The following ANKRD28 variants were observed in gnomAD, a reference collection of about 807,000 sequenced individuals.
The protein encoded by ANKRD28 is ankyrin repeat domain 28, also known as serine/threonine-protein phosphatase 6 regulatory ankyrin repeat subunit A.
A neutral mutation model predicts 126.5 loss-of-function variants in ANKRD28; 44 were observed. The ratio of observed to expected loss-of-function variants is 0.35; its 90% confidence interval spans 0.27 to 0.45. The LOEUF (loss-of-function observed/expected upper bound fraction) is 0.45. ANKRD28 is among the 20% of genes least tolerant of loss of function. The probability of loss-of-function intolerance (pLI) is 1.00; values close to 1 mark genes in which losing one functional copy is unlikely to be tolerated. For synonymous variants in ANKRD28, 442 were observed against 468.5 expected (o/e 0.94, Z 0.73); for missense variants, 1,110 against 1,316.6 (o/e 0.84, Z 2.43).
chr3:15,676,901 G>A (rs2066994710), intron 26 of ANKRD28, 73 bp downstream of exon 26: 1 of 1,295,418 alleles, frequency 7.7e-7, no homozygotes, highest in Non-Finnish European at 1.1e-6. Flanking sequence ...ATAGTCACAT[G>A]TTTAAAAAAA....
chr3:15,718,568 C>G (rs2073341085), intron 8 of ANKRD28, among the ~76,000 whole-genome samples: 1 of 151,944 alleles, frequency 6.6e-6, no homozygotes, highest in Admixed American at 6.6e-5. Context: ...TAAGTAGACA[C>G]TAACAGAATC....
At chr3:15,714,544 A>AAG in intron 9 of ANKRD28, 34 bp downstream of exon 9, 1 of 1,496,708 alleles carries the variant, frequency 6.7e-7, no homozygotes, top group Middle Eastern at 1.8e-4. Flanking sequence ...AAAAAAAAAA[A>AAG]AAACCCCAAA....
intron 2 of ANKRD28, among the ~76,000 whole-genome samples, chr3:15,777,356 C>T (rs1209088953): frequency 2.0e-5 from 3 of 151,978 alleles, no homozygotes; most frequent in Admixed American, 1.3e-4. Context: ...CATGCCCCCT[C>T]CCCAAAGCAT....
At chr3:15,747,273 G>C (rs1354762832) in intron 4 of ANKRD28, among the ~76,000 whole-genome samples, 2 of 151,224 alleles carry the variant, frequency 1.3e-5, no homozygotes, top group Non-Finnish European at 2.9e-5. Flanking sequence ...CCAGTTCTGT[G>C]AGGTATGGCC....
At chr3:15,841,179 T>C (rs973138291) in intron 1 of ANKRD28, among the ~76,000 whole-genome samples, 6 of 152,108 alleles carry the variant, frequency 3.9e-5, no homozygotes, top group Non-Finnish European at 7.3e-5. Flanking sequence ...CCTCTTGCCA[T>C]ATGCAAAAAT....
intron 3 of ANKRD28, among the ~76,000 whole-genome samples, chr3:15,756,218 C>A (rs952126326): frequency 9.9e-5 from 15 of 152,102 alleles, no homozygotes; most frequent in African/African-American, 3.6e-4. Flanking sequence ...ATATTACATG[C>A]AATAAATAAC....
rs371523674 is a variant in ANKRD28 at position 15,696,128 on chromosome 3, T to C, written c.1659+6A>G. 1.3e-6 allele frequency: 2 copies of C among 1,546,174 alleles called. No individual in the cohort carries two copies. Among genetic ancestry groups the C allele is most frequent in the African/African-American group, 1.4e-5 (1 of 74,028 alleles). ...TAGGTCTTTCACAAGAATTCAGGAATCTTACCAGCTGAAGACATAGACGGT... is the reference window on the plus strand; with the variant it reads ...TAGGTCTTTCACAAGAATTCAGGAACCTTACCAGCTGAAGACATAGACGGT... On this transcript the variant is annotated splice_donor_region_variant and intron_variant, in intron 15 of 27. Coordinates refer to ENST00000683139, the MANE Select transcript of ANKRD28 (RefSeq NM_001349278.2).
intron 4 of ANKRD28, among the ~76,000 whole-genome samples, chr3:15,748,668 CTAGG>C (rs932551778): frequency 2.0e-5 from 3 of 152,092 alleles, no homozygotes; most frequent in Non-Finnish European, 4.4e-5. Flanking sequence ...GACTATGTAC[CTAGG>C]TGATAATCTT....
chr3:15,858,921 G>C (rs1028162347), intron 1 of ANKRD28, among the ~76,000 whole-genome samples: 2 of 152,202 alleles, frequency 1.3e-5, no homozygotes, highest in Non-Finnish European at 2.9e-5. Flanking sequence ...TAGTCGCTAA[G>C]AGGAATCAAT....
At chr3:15,822,915 A>G (rs1488181576) in intron 1 of ANKRD28, among the ~76,000 whole-genome samples, 1 of 152,242 alleles carries the variant, frequency 6.6e-6, no homozygotes, top group Non-Finnish European at 1.5e-5. Flanking sequence ...AATAAAAAAC[A>G]AAAGTAGGCA....
Position 15,670,402 on chromosome 3 carries a change from G to A in ANKRD28, c.3120C>T (p.Val1040=). 1 of 1,613,932 alleles carries A rather than the reference G, an allele frequency of 6.2e-7. No homozygotes were observed. Among genetic ancestry groups the A allele is most frequent in the East Asian group, 2.2e-5 (1 of 44,884 alleles). ...INRYTNTSKT[V]SFEALPIMRN... is the part of the protein sequence containing the mutation. ...TCATGATGGGCAAAGCTTCAAAGCT[G>A]ACTGTTTTTGAGGTGTTGGTATAAC... The change falls in exon 28 of 28, where the codon GTC becomes GTT. Residue 1040 remains valine, a synonymous_variant. Transcript: ENST00000683139.
chr3:15,760,208 G>A (rs180957522), intron 3 of ANKRD28, among the ~76,000 whole-genome samples: 1 of 152,270 alleles, frequency 6.6e-6, no homozygotes, highest in East Asian at 1.9e-4. Flanking sequence ...GACGATAAGA[G>A]GAGAGAGAGG....
At chr3:15,734,943 T>C (rs1277469265) in intron 6 of ANKRD28, among the ~76,000 whole-genome samples, 1 of 152,160 alleles carries the variant, frequency 6.6e-6, no homozygotes, top group East Asian at 1.9e-4. Flanking sequence ...ATATATATTA[T>C]GTTACAGCAA....
rs555061585 is a variant in ANKRD28 at position 15,704,197 on chromosome 3, T to C, written c.1547+3727A>G. The stretch of plus-strand genomic sequence containing the variant: ...TATATTTGTTTGCTGGATTCTTACA[T>C]GATGTAAAATAAAGACACTTCAGAG... On this transcript the variant is annotated intron_variant, in intron 14 of 27. Coordinates refer to ENST00000683139, the MANE Select transcript of ANKRD28 (RefSeq NM_001349278.2). 1.1e-4 allele frequency among the ~76,000 whole-genome samples: 17 copies of C among 152,238 alleles called. No homozygotes were observed. The East Asian group carries it at 3.1e-3, about 28-fold the overall frequency.
chr3:15,834,794 C>T (rs2061286952), intron 1 of ANKRD28, among the ~76,000 whole-genome samples: 1 of 152,212 alleles, frequency 6.6e-6, no homozygotes, highest in South Asian at 2.1e-4. Context: ...GTTAAAAATA[C>T]TAAAGTTGTG....
chr3:15,757,409 G>T (rs561930748), intron 3 of ANKRD28, among the ~76,000 whole-genome samples: 5 of 152,186 alleles, frequency 3.3e-5, no homozygotes, highest in African/African-American at 9.6e-5. Flanking sequence ...CAGTTATAAC[G>T]TTCTATCCTA....
At position 15,833,631 on chromosome 3, in the gene ANKRD28, C is replaced by T. The variant is rs982132068; in HGVS notation, c.27+25746G>A. Among the ~76,000 whole-genome samples, 2 of 151,414 alleles carry T rather than the reference C, an allele frequency of 1.3e-5. No homozygotes were observed. The highest frequency in any genetic ancestry group is 2.9e-5 in the Non-Finnish European group (2 of 67,894). On this transcript the variant is annotated intron_variant, in intron 1 of 27. Transcript: ENST00000399451. This position sits in a 1 kb window ranked among gnomAD's most constrained non-coding sequence, Gnocchi z 4.4. ...CCTAATACAGCACCCTTGGCAACAT[C>T]TGTTGTTTTTTTGACCTTTTAATAG...
chr3:15,731,439 G>A (rs765048811), intron 6 of ANKRD28, among the ~76,000 whole-genome samples: 11 of 152,176 alleles, frequency 7.2e-5, no homozygotes, highest in Non-Finnish European at 1.5e-5. Flanking sequence ...TGAAGAGTAA[G>A]CCACACCAGA....
intron 8 of ANKRD28, among the ~76,000 whole-genome samples, chr3:15,720,539 C>T (rs2073606704): frequency 6.6e-6 from 1 of 152,110 alleles, no homozygotes; most frequent in Non-Finnish European, 1.5e-5. Flanking sequence ...ACAAATGAAC[C>T]ACCTTATCAG....
Sources: allele counts gnomAD v4.1 joint callset (sites outside exome capture counted in the v4.1 genomes callset), GRCh38; gene constraint gnomAD v4.1.1; non-coding constraint Gnocchi (gnomAD v3.1); transcripts MANE v1.5; gene names NCBI Gene and HGNC (gene_info 2026-07-23, HGNC 2026-07-21).